Variants in HDAC4 observed in about 807,000 individuals in gnomAD.
The protein encoded by HDAC4 is histone deacetylase A.
In HDAC4, 16 loss-of-function variants were observed where a neutral mutation model predicts 135.1. The ratio of observed to expected loss-of-function variants is 0.12; its 90% CI spans 0.08 to 0.18. HDAC4 has a LOEUF of 0.18. Ranked by LOEUF, HDAC4 falls within the 10% of genes least tolerant of loss-of-function variation. HDAC4 has a pLI of 1.00. For missense variants in HDAC4, 1,143 were observed against 1,511.8 expected, an observed-to-expected ratio of 0.76 and a Z score of 4.05; for synonymous variants, 685 against 653.4, an observed-to-expected ratio of 1.05 and a Z score of -0.74.
chr2:239,362,854 G>A (rs573106743), intron 1 of HDAC4, among the ~76,000 whole-genome samples: 68 of 152,176 alleles, frequency 4.5e-4, no homozygotes, highest in African/African-American at 1.6e-3. Context: ...AGATTACAAA[G>A]GAAAATGTCA....
At chr2:239,372,176 A>G (rs1029282413) in intron 1 of HDAC4, among the ~76,000 whole-genome samples, 1 of 152,182 alleles carries the variant, frequency 6.6e-6, no homozygotes, top group African/African-American at 2.4e-5. Context: ...AGTGGGCCCC[A>G]GGACTCTCCT....
At position 239,167,085 on chromosome 2, in the gene HDAC4, C is replaced by T. The variant is rs532392178; in HGVS notation, c.491-3162G>A. Among the ~76,000 whole-genome samples, 6 of 151,624 alleles carry T rather than the reference C, an allele frequency of 4.0e-5. No homozygotes were observed. Among genetic ancestry groups the T allele is most frequent in the Admixed American group, 2.0e-4 (3 of 15,216 alleles). On this transcript the variant is annotated intron_variant, in intron 5 of 26. Coordinates refer to ENST00000543185, the MANE Select transcript of HDAC4 (RefSeq NM_001378414.1). The surrounding 1 kb of genome is among the most constrained non-coding windows in gnomAD (Gnocchi z 4.1). ...CTGCAGGTCCCCCTACATGGCCGTC[C>T]TTGAGTGGAGGCAGCAGAGCAGGAC...
At chr2:239,057,963 C>T (rs1326575365) in intron 24 of HDAC4, among the ~76,000 whole-genome samples, 28 of 152,142 alleles carry the variant, frequency 1.8e-4, no homozygotes, top group Admixed American at 1.8e-3. Flanking sequence ...AGTGATATAA[C>T]CTGGGATGGG....
chr2:239,353,075 C>A (rs1693266839), intron 1 of HDAC4, among the ~76,000 whole-genome samples, 157 bp from the exon 2 acceptor site: 1 of 152,156 alleles, frequency 6.6e-6, no homozygotes, highest in African/African-American at 2.4e-5. Flanking sequence ...ACGATCTGGG[C>A]TCACTGCAAC....
At chr2:239,093,629 C>T (rs1183620478) in intron 17 of HDAC4, among the ~76,000 whole-genome samples, 1 of 152,234 alleles carries the variant, frequency 6.6e-6, no homozygotes, top group Non-Finnish European at 1.5e-5. Context: ...ACCCTCTCTG[C>T]CCGCGTCCAC....
intron 2 of HDAC4, among the ~76,000 whole-genome samples, chr2:239,327,200 T>C (rs906428687): frequency 6.6e-6 from 1 of 152,242 alleles, no homozygotes; most frequent in African/African-American, 2.4e-5. Context: ...CTGGGGCACC[T>C]GGCTTTGCCC....
At chr2:239,169,499 G>A (rs1314429675) in intron 5 of HDAC4, among the ~76,000 whole-genome samples, 8 of 152,242 alleles carry the variant, frequency 5.3e-5, no homozygotes, top group Non-Finnish European at 1.0e-4. Flanking sequence ...GGTGGGCCCC[G>A]CCCAGCAGGC....
intron 4 of HDAC4, among the ~76,000 whole-genome samples, chr2:239,177,525 C>T (rs188610799): frequency 7.2e-5 from 11 of 152,304 alleles, no homozygotes; most frequent in East Asian, 1.9e-4. Flanking sequence ...AACGCCCCAG[C>T]GGGTGGAGTG....
At chr2:239,098,396 G>A (rs956748395) in intron 16 of HDAC4, among the ~76,000 whole-genome samples, 8 of 152,244 alleles carry the variant, frequency 5.3e-5, no homozygotes, top group African/African-American at 1.9e-4. Flanking sequence ...CCATCCTCTC[G>A]CTGCTGCTCC....
intron 1 of HDAC4, among the ~76,000 whole-genome samples, chr2:239,390,564 T>C (rs1004752687): frequency 1.3e-5 from 2 of 151,872 alleles, no homozygotes; most frequent in African/African-American, 4.8e-5. Flanking sequence ...AAAAGATATA[T>C]ATATATATTG....
chr2:239,094,707 A>G lies in HDAC4; in HGVS notation c.2280+303T>C, dbSNP rs2279272. ...GGCCTGATGTGAGCAGATTACTGCCACAGACTTCGAAGGGGATGAGATGCT... is the reference window on the plus strand; with the variant it reads ...GGCCTGATGTGAGCAGATTACTGCCGCAGACTTCGAAGGGGATGAGATGCT... On this transcript the variant is annotated intron_variant, in intron 17 of 26. Transcript: ENST00000543185. The G allele has an allele frequency of 0.55, 681,671 of 1,243,994 alleles. 188,658 individuals carry two copies. Among genetic ancestry groups the G allele is most frequent in the African/African-American group, 0.71 (45,628 of 64,644 alleles). 77.1% of individuals were successfully genotyped at this position (1,243,994 alleles called of 1,614,324 possible).
intron 9 of HDAC4, among the ~76,000 whole-genome samples, chr2:239,137,358 G>A (rs1348699875): frequency 1.3e-5 from 2 of 152,202 alleles, no homozygotes; most frequent in East Asian, 1.9e-4. Context: ...GGCCACAGAG[G>A]AGCTGTCCCC....
In HDAC4 at chr2:239,311,984, A is replaced by T. The variant is rs180956276; in HGVS notation, c.22+40694T>A. Reference sequence around the variant, plus strand: ...GTTCTGTGGTTCCCTGGGGCCCTAGACTAACATGAGGAAGGGGAAACAGAG... The same window carrying T: ...GTTCTGTGGTTCCCTGGGGCCCTAGTCTAACATGAGGAAGGGGAAACAGAG... On this transcript the variant is annotated intron_variant, in intron 2 of 26. Coordinates refer to ENST00000543185, the MANE Select transcript of HDAC4 (RefSeq NM_001378414.1). 1.2e-3 allele frequency among the ~76,000 whole-genome samples: 178 copies of T among 152,274 alleles called. 1 individual carries two copies. The highest frequency in any genetic ancestry group is 4.4e-3 in the East Asian group (23 of 5,172).
rs2043500766 is a variant in HDAC4, at chr2:239,172,294, ATATATATATATAT to A, written c.490+4106_490+4118del. Among the ~76,000 whole-genome samples the A allele has an allele frequency of 2.2e-5, 3 of 136,936 alleles. 1 individual carries two copies. The highest frequency in any genetic ancestry group is 4.6e-5 in the Non-Finnish European group (3 of 64,758). 89.8% of individuals were successfully genotyped at this position (136,936 alleles called of 152,430 possible). A position where few individuals can be genotyped will look rare whatever the true frequency, so the allele number is the denominator to read the frequency against. On this transcript the variant is annotated intron_variant, in intron 5 of 26. Transcript: ENST00000543185. ...GTGATTACCAAGCTGGTGAAAAAAA[ATATATATATATAT>A]ATATATATATATCACTAAAAACATA...
At chr2:239,368,624 C>T (rs1279485697) in intron 1 of HDAC4, among the ~76,000 whole-genome samples, 2 of 152,070 alleles carry the variant, frequency 1.3e-5, no homozygotes, top group Non-Finnish European at 2.9e-5. Context: ...CTGTTTCCTC[C>T]AGACACAGAC....
At chr2:239,111,174 G>A (rs1451789150) in intron 14 of HDAC4, among the ~76,000 whole-genome samples, 1 of 152,254 alleles carries the variant, frequency 6.6e-6, no homozygotes, top group Non-Finnish European at 1.5e-5. Context: ...GAGGGAGTAA[G>A]CGGAGAAGCG....
At chr2:239,188,896 C>T (rs1275372246) in intron 4 of HDAC4, among the ~76,000 whole-genome samples, 1 of 152,242 alleles carries the variant, frequency 6.6e-6, no homozygotes, top group Non-Finnish European at 1.5e-5. Context: ...CTCCTCCCGC[C>T]TCAGTCCAGT....
intron 2 of HDAC4, 151 bp from the exon 3 acceptor site, chr2:239,236,815 G>A: frequency 1.7e-6 from 1 of 587,192 alleles, no homozygotes; most frequent in Non-Finnish European, 3.0e-6. Context: ...CTTCATCATA[G>A]ATTATTTGTA....
At chr2:239,266,287 C>T (rs188144423) in intron 2 of HDAC4, among the ~76,000 whole-genome samples, 2 of 152,346 alleles carry the variant, frequency 1.3e-5, no homozygotes, top group African/African-American at 4.8e-5. Context: ...TCTCCATAGG[C>T]CGGGACCCTG....
Sources: allele counts gnomAD v4.1 joint callset (sites outside exome capture counted in the v4.1 genomes callset), GRCh38; gene constraint gnomAD v4.1.1; non-coding constraint Gnocchi (gnomAD v3.1); transcripts MANE v1.5; gene names NCBI Gene and HGNC (gene_info 2026-07-23, HGNC 2026-07-21).